Variants in PLCXD3 observed in about 807,000 individuals in gnomAD.
The protein encoded by PLCXD3 is phosphatidylinositol specific phospholipase C X domain containing 3.
A neutral mutation model predicts 25.5 loss-of-function variants in PLCXD3; 19 were observed. That is an observed-to-expected ratio of 0.75 (90% CI 0.52 to 1.09). PLCXD3 has a LOEUF of 1.09. PLCXD3 is among the 50% of genes least tolerant of loss of function. The pLI is 0.00. For missense variants in PLCXD3, 411 were observed against 388.1 expected (o/e 1.06, Z -0.50); for synonymous variants, 174 against 137.6 (o/e 1.26, Z -1.85).
intron 2 of PLCXD3, among the ~76,000 whole-genome samples, chr5:41,364,058 G>C (rs999531471): frequency 6.6e-6 from 1 of 152,086 alleles, no homozygotes; most frequent in Non-Finnish European, 1.5e-5. Flanking sequence ...TCCAGCCAGG[G>C]TCAACTCTGT....
chr5:41,463,951 T>G, intron 1 of PLCXD3, among the ~76,000 whole-genome samples: 1 of 152,038 alleles, frequency 6.6e-6, no homozygotes, highest in East Asian at 1.9e-4. Context: ...ACAGCACTTT[T>G]TAATGTAAAT....
At chr5:41,457,425 A>G in intron 1 of PLCXD3, among the ~76,000 whole-genome samples, 1 of 151,912 alleles carries the variant, frequency 6.6e-6, no homozygotes, top group East Asian at 1.9e-4. Flanking sequence ...CATGTCACTG[A>G]AAGAAACAGA....
At chr5:41,494,983 T>C (rs572350032) in intron 1 of PLCXD3, among the ~76,000 whole-genome samples, 5 of 152,322 alleles carry the variant, frequency 3.3e-5, no homozygotes, top group African/African-American at 1.2e-4. Flanking sequence ...CAGAATAGGA[T>C]GCTCCAGACT....
At chr5:41,497,157 A>G (rs1748859879) in intron 1 of PLCXD3, among the ~76,000 whole-genome samples, 1 of 151,810 alleles carries the variant, frequency 6.6e-6, no homozygotes, top group Non-Finnish European at 1.5e-5. Flanking sequence ...AAAAGGTATG[A>G]AAAAGTCAAA....
chr5:41,417,268 G>A (rs10044440), intron 1 of PLCXD3, among the ~76,000 whole-genome samples: 86,578 of 151,914 alleles, frequency 0.57, 25,300 homozygotes, highest in South Asian at 0.71. Context: ...CTGGAGGAAG[G>A]TTCCATTGCT....
intron 1 of PLCXD3, among the ~76,000 whole-genome samples, chr5:41,494,599 A>G (rs1417670652): frequency 6.6e-5 from 10 of 152,232 alleles, no homozygotes; most frequent in Non-Finnish European, 1.0e-4. Flanking sequence ...GCAATGGATG[A>G]TGATATTAAT....
At chr5:41,499,116 T>G (rs903122547) in intron 1 of PLCXD3, among the ~76,000 whole-genome samples, 1 of 151,582 alleles carries the variant, frequency 6.6e-6, no homozygotes, top group African/African-American at 2.4e-5. Flanking sequence ...TCTTACTGCT[T>G]GTATTTAACA....
At chr5:41,319,500 C>A (rs938785050) in intron 2 of PLCXD3, among the ~76,000 whole-genome samples, 1 of 152,038 alleles carries the variant, frequency 6.6e-6, no homozygotes, top group Non-Finnish European at 1.5e-5. Context: ...ACAGTACGCT[C>A]CTGAATGACC....
chr5:41,469,088 G>C (rs1748092136), intron 1 of PLCXD3, among the ~76,000 whole-genome samples: 1 of 152,076 alleles, frequency 6.6e-6, no homozygotes, highest in Non-Finnish European at 1.5e-5. Context: ...ATCATGAATA[G>C]TTGTTAAATT....
chr5:41,500,942 G>A (rs1748938180), intron 1 of PLCXD3, among the ~76,000 whole-genome samples: 1 of 151,912 alleles, frequency 6.6e-6, no homozygotes. Context: ...AAATAGCTAA[G>A]AGGTATGAAA....
At chr5:41,392,418 G>A (rs1008177073) in intron 1 of PLCXD3, among the ~76,000 whole-genome samples, 1 of 152,120 alleles carries the variant, frequency 6.6e-6, no homozygotes, top group Non-Finnish European at 1.5e-5. Flanking sequence ...GTCTCTGCCT[G>A]GTAATCCAGA....
intron 1 of PLCXD3, among the ~76,000 whole-genome samples, chr5:41,401,382 G>A (rs1215345057): frequency 6.6e-6 from 1 of 152,036 alleles, no homozygotes; most frequent in African/African-American, 2.4e-5. Context: ...AGTTACTATG[G>A]ATGACACGAT....
chr5:41,450,818 A>G (rs1747611957), intron 1 of PLCXD3, among the ~76,000 whole-genome samples: 1 of 152,046 alleles, frequency 6.6e-6, no homozygotes, highest in African/African-American at 2.4e-5. Flanking sequence ...CATTCAAGGG[A>G]TTCTATACGC....
intron 1 of PLCXD3, among the ~76,000 whole-genome samples, chr5:41,396,979 G>T (rs756113925): frequency 7.2e-5 from 11 of 152,128 alleles, no homozygotes; most frequent in Non-Finnish European, 1.5e-4. Context: ...ACAAAGAAGT[G>T]ACCTGAAACT....
At chr5:41,435,255 G>A (rs1747219767) in intron 1 of PLCXD3, among the ~76,000 whole-genome samples, 1 of 152,190 alleles carries the variant, frequency 6.6e-6, no homozygotes, top group South Asian at 2.1e-4. Flanking sequence ...GATGGTGGAG[G>A]CCACTGTATG....
chr5:41,348,901 G>T (rs1744376084), intron 2 of PLCXD3, among the ~76,000 whole-genome samples: 1 of 152,080 alleles, frequency 6.6e-6, no homozygotes, highest in South Asian at 2.1e-4. Context: ...TGGAAAATTT[G>T]CCAAAAGAAG....
At chr5:41,404,891 C>A (rs187561360) in intron 1 of PLCXD3, among the ~76,000 whole-genome samples, 142 of 152,240 alleles carry the variant, frequency 9.3e-4, no homozygotes, top group Admixed American at 1.6e-3. Context: ...ATGTTCAATT[C>A]CAGTATCCAT....
At chr5:41,341,701 G>A (rs1318340546) in intron 2 of PLCXD3, among the ~76,000 whole-genome samples, 1 of 151,932 alleles carries the variant, frequency 6.6e-6, no homozygotes, top group African/African-American at 2.4e-5. Flanking sequence ...TGGATAAATA[G>A]GCAAGGCCAT....
rs1743127367 is a variant in PLCXD3 at position 41,311,114 on chromosome 5, A to T, written c.*2503T>A. The T allele has an allele frequency of 6.6e-6, 1 of 152,196 alleles. No homozygotes were observed. Among genetic ancestry groups the T allele is most frequent in the Non-Finnish European group, 1.5e-5 (1 of 68,010 alleles). The allele number at this position is 152,196 out of a possible 1,614,324, so 9.4% of individuals were successfully genotyped here. A position where few individuals can be genotyped will look rare whatever the true frequency, so the allele number is the denominator to read the frequency against. ...TGTTTTCCATTATATTTATAAAATT[A>T]AATTCATGTGTCATTGCAAATATTC... On this transcript the variant is annotated 3_prime_UTR_variant, in exon 3 of 3. Transcript: ENST00000377801.
Sources: gnomAD v4.1 joint callset for allele counts (sites outside exome capture counted in the v4.1 genomes callset) on GRCh38, gnomAD v4.1.1 for gene constraint, MANE v1.5 for transcripts, NCBI Gene and HGNC (gene_info 2026-07-23, HGNC 2026-07-21) for gene names.